The following CNTNAP2 variants were observed in gnomAD, a reference collection of about 807,000 sequenced individuals.
CNTNAP2 encodes the protein contactin associated protein 2.
Under a neutral mutation model 155.2 loss-of-function variants are expected in CNTNAP2, and 98 were observed. The observed-to-expected ratio is 0.63, with a 90% CI of 0.54 to 0.75. The LOEUF is 0.75. CNTNAP2 is among the 30% of genes least tolerant of loss of function. The pLI is 0.00. For missense variants in CNTNAP2, 1,727 were observed against 1,688.1 expected (o/e 1.02, Z -0.40); for synonymous variants, 651 against 631.2 (o/e 1.03, Z -0.47).
intron 1 of CNTNAP2, among the ~76,000 whole-genome samples, chr7:146,248,612 A>G (rs1584826694): frequency 6.6e-6 from 1 of 152,158 alleles, no homozygotes; most frequent in African/African-American, 2.4e-5. Flanking sequence ...GAAAGGAGAA[A>G]GAGGTTGAGG....
At chr7:146,199,152 A>G (rs1264138607) in intron 1 of CNTNAP2, among the ~76,000 whole-genome samples, 1 of 152,122 alleles carries the variant, frequency 6.6e-6, no homozygotes, top group African/African-American at 2.4e-5. Context: ...CCTTTAAAAC[A>G]TGCCTAAAAA....
chr7:147,912,658 T>C lies in CNTNAP2; in HGVS notation c.2255+8937T>C, dbSNP rs539514481. Reference sequence around the variant, plus strand: ...CCCAGCCCCTGAGACCCTGCCAAGCTCCCAGCGAAGCCTCCTATGGGTCTC... The same window carrying C: ...CCCAGCCCCTGAGACCCTGCCAAGCCCCCAGCGAAGCCTCCTATGGGTCTC... On this transcript the variant is annotated intron_variant, in intron 14 of 23. Transcript: ENST00000361727. 6.6e-5 allele frequency among the ~76,000 whole-genome samples: 10 copies of C among 152,212 alleles called. No homozygotes were observed. The South Asian group carries it at 2.1e-3, about 32-fold the overall frequency.
chr7:147,752,369 G>A (rs1386801116), intron 13 of CNTNAP2, among the ~76,000 whole-genome samples: 2 of 151,930 alleles, frequency 1.3e-5, no homozygotes, highest in African/African-American at 4.8e-5. Flanking sequence ...GAAAGACTAA[G>A]ATAAAGCACT....
intron 8 of CNTNAP2, among the ~76,000 whole-genome samples, chr7:147,271,830 G>T (rs954683280): frequency 6.6e-6 from 1 of 152,138 alleles, no homozygotes; most frequent in Admixed American, 6.5e-5. Flanking sequence ...TGACATTTGG[G>T]TGGGGACATA....
intron 1 of CNTNAP2, among the ~76,000 whole-genome samples, chr7:146,765,449 C>T (rs1010418290): frequency 2.6e-5 from 4 of 152,110 alleles, no homozygotes; most frequent in African/African-American, 9.7e-5. Context: ...TCTCAATAGT[C>T]AAAACTAGGA....
intron 8 of CNTNAP2, among the ~76,000 whole-genome samples, chr7:147,267,369 G>A (rs1277048868): frequency 2.0e-5 from 3 of 152,144 alleles, no homozygotes; most frequent in Non-Finnish European, 4.4e-5. Context: ...GTGGTTGAAT[G>A]GCAATGAGTG....
At chr7:146,671,425 T>TCACACACACACA (rs1554465666) in intron 1 of CNTNAP2, among the ~76,000 whole-genome samples, 15 of 67,096 alleles carry the variant, frequency 2.2e-4, no homozygotes, top group African/African-American at 4.6e-4. Flanking sequence ...TCTTTTTTTG[T>TCACACACACACA]CACTCACACA....
chr7:147,914,207 T>C (rs1404840470), intron 14 of CNTNAP2, among the ~76,000 whole-genome samples: 1 of 151,966 alleles, frequency 6.6e-6, no homozygotes, highest in Non-Finnish European at 1.5e-5. Flanking sequence ...AGTTGACAAA[T>C]AGCAGGTATA....
chr7:147,918,825 T>C (rs1485126009), intron 14 of CNTNAP2, among the ~76,000 whole-genome samples: 1 of 152,164 alleles, frequency 6.6e-6, no homozygotes, highest in Non-Finnish European at 1.5e-5. Context: ...GTCTTTACCT[T>C]AGGTTACTAT....
chr7:146,505,030 G>A (rs1251941919), intron 1 of CNTNAP2, among the ~76,000 whole-genome samples: 2 of 152,164 alleles, frequency 1.3e-5, no homozygotes, highest in African/African-American at 2.4e-5. Context: ...CCACTAACGA[G>A]CCCCATCCAT....
chr7:146,948,069 G>T (rs530030551), intron 3 of CNTNAP2, among the ~76,000 whole-genome samples: 9 of 152,076 alleles, frequency 5.9e-5, no homozygotes, highest in East Asian at 5.8e-4. Flanking sequence ...ATGAGCAAAA[G>T]GTACATTTGA....
chr7:147,475,182 G>C (rs1464169657), intron 10 of CNTNAP2, among the ~76,000 whole-genome samples: 1 of 152,132 alleles, frequency 6.6e-6, no homozygotes, highest in Non-Finnish European at 1.5e-5. Flanking sequence ...CACAAACAAT[G>C]ATGCAATAAA....
intron 2 of CNTNAP2, among the ~76,000 whole-genome samples, chr7:146,819,079 G>T (rs1803227730): frequency 6.6e-6 from 1 of 151,758 alleles, no homozygotes; most frequent in South Asian, 2.1e-4. Flanking sequence ...AAAATAATTT[G>T]AAAATAATAC....
Position 148,172,336 on chromosome 7 carries a change from A to G in CNTNAP2, c.2868A>G (p.Thr956=). Residue 956 remains threonine, a synonymous_variant, in exon 18 of 24, where the codon ACA becomes ACG. Transcript: ENST00000361727. ...ACCTGGAGGAAAGAGCAAAGGTCAC[A>G]TCTGGGTTCATATCCGGATGCTCGG... ...TLDLEERAKV[T]SGFISGCSGH... The G allele has an allele frequency of 6.2e-7, 1 of 1,614,184 alleles. No homozygotes were observed. Among genetic ancestry groups the G allele is most frequent in the South Asian group, 1.1e-5 (1 of 91,090 alleles).
chr7:148,196,616 T>A (rs576566389), intron 18 of CNTNAP2, among the ~76,000 whole-genome samples: 51 of 152,348 alleles, frequency 3.3e-4, no homozygotes, highest in African/African-American at 1.2e-3. Context: ...ATAAGGGAGA[T>A]AGTTTTAATA....
chr7:147,565,783 A>C (rs1034768760), intron 12 of CNTNAP2, among the ~76,000 whole-genome samples: 2 of 143,708 alleles, frequency 1.4e-5, no homozygotes, highest in African/African-American at 5.1e-5. Flanking sequence ...AGGAAGCTCA[A>C]GAACTTACTT....
intron 3 of CNTNAP2, among the ~76,000 whole-genome samples, chr7:146,856,289 GATAGATAGATACATACATAC>G (rs1472638336): frequency 0.017 from 1,106 of 64,298 alleles, 11 homozygotes; most frequent in African/African-American, 0.094. Flanking sequence ...TAGATAGATA[GATAGATAGATACATACATAC>G]ATACATACAT....
intron 9 of CNTNAP2, among the ~76,000 whole-genome samples, chr7:147,338,859 A>G (rs1795707705): frequency 6.6e-6 from 1 of 151,192 alleles, no homozygotes; most frequent in South Asian, 2.1e-4. Context: ...CAAACAGAAA[A>G]TGGGGGTCTT....
intron 11 of CNTNAP2, among the ~76,000 whole-genome samples, chr7:147,489,581 C>T (rs1206510053): frequency 6.6e-6 from 1 of 152,152 alleles, no homozygotes; most frequent in Non-Finnish European, 1.5e-5. Flanking sequence ...ATTGTATTGA[C>T]TTATCCCTGC....
Sources: gnomAD v4.1 joint callset for allele counts (sites outside exome capture counted in the v4.1 genomes callset) on GRCh38, gnomAD v4.1.1 for gene constraint, MANE v1.5 for transcripts, NCBI Gene and HGNC (gene_info 2026-07-23, HGNC 2026-07-21) for gene names.